Variants in ERBIN observed in about 807,000 individuals in gnomAD.
The protein encoded by ERBIN is densin-180-like protein.
A neutral mutation model predicts 158.4 loss-of-function variants in ERBIN; 60 were observed. The observed-to-expected ratio is 0.38, with a 90% CI of 0.31 to 0.47. The LOEUF (loss-of-function observed/expected upper bound fraction) is 0.47. Ranked by LOEUF, ERBIN falls within the 20% of genes least tolerant of loss-of-function variation. ERBIN has a pLI of 0.99. For synonymous variants in ERBIN, 594 were observed against 557.2 expected, an observed-to-expected ratio of 1.07 and a Z score of -0.93; for missense variants, 1,610 against 1,648.0, an observed-to-expected ratio of 0.98 and a Z score of 0.40.
intron 1 of ERBIN, among the ~76,000 whole-genome samples, chr5:65,936,751 C>A (rs1744130442): frequency 6.6e-6 from 1 of 152,146 alleles, no homozygotes; most frequent in Non-Finnish European, 1.5e-5. Context: ...TAAAAATAAT[C>A]TTGCTGTAAA....
intron 16 of ERBIN, 101 bp downstream of exon 16, chr5:66,043,299 A>C: frequency 8.3e-7 from 1 of 1,209,970 alleles, no homozygotes; most frequent in East Asian, 2.5e-5. Context: ...AAAGTATTGA[A>C]TTTATTCCTT....
Position 66,007,543 on chromosome 5 carries a change from T to C in ERBIN, c.308-4506T>C, listed in dbSNP as rs1271870889. 3.8e-5 allele frequency among the ~76,000 whole-genome samples: 4 copies of C among 105,984 alleles called. No individual in the cohort carries two copies. The East Asian group carries it at 7.5e-4, about 20-fold the overall frequency. 69.5% of individuals were successfully genotyped at this position (105,984 alleles called of 152,430 possible). ...CACATGTACCCTAAAACTTAAAGTA[T>C]AATAAAAAAAAAAAAAAGAATGAGC... On this transcript the variant is annotated intron_variant, in intron 4 of 25. Coordinates refer to ENST00000284037, the MANE Select transcript of ERBIN (RefSeq NM_001253697.2).
Position 66,054,772 on chromosome 5 carries a change from A to C in ERBIN, c.3454A>C (p.Ile1152Leu), listed in dbSNP as rs1759427615. The change falls in exon 21 of 26, where the codon ATA (isoleucine) becomes CTA (leucine). Residue 1152 changes from isoleucine (I) to leucine (L), a missense_variant. Physicochemically the swap from Ile to Leu is conservative, Grantham distance 5. Coordinates refer to ENST00000284037, the MANE Select transcript of ERBIN (RefSeq NM_001253697.2). ...PQSARPSINE[I>L]PERTMSVSDF... ...GAGTGCTCGACCCTCTATTAATGAA[A>C]TACCAGAGAGAACTATGTCAGTTAG... 1.1e-5 allele frequency: 17 copies of C among 1,614,162 alleles called. No homozygotes were observed. Among genetic ancestry groups the C allele is most frequent in the Non-Finnish European group, 1.4e-5 (17 of 1,180,006 alleles).
chr5:66,075,120 C>G lies in ERBIN; in HGVS notation c.3853C>G (p.Pro1285Ala), dbSNP rs778809727. Residue 1285 changes from proline (P) to alanine (A), a missense_variant, in exon 23 of 26, where the codon CCC (proline) becomes GCC (alanine). Pro to Ala is a conservative substitution (Grantham distance 27). Transcript: ENST00000284037. ...CCCTCAGGCATCTGTGGCAAGGCAT[C>G]CCTCTAGAGAACAACTAATTGATTA... ...HPPQASVARH[P>A]SREQLIDYLM... The G allele has an allele frequency of 6.2e-7, 1 of 1,614,142 alleles. No homozygotes were observed. The highest frequency in any genetic ancestry group is 8.5e-7 in the Non-Finnish European group (1 of 1,180,008).
intron 1 of ERBIN, among the ~76,000 whole-genome samples, chr5:65,976,285 GA>G (rs1749843717): frequency 6.6e-6 from 1 of 152,070 alleles, no homozygotes; most frequent in South Asian, 2.1e-4. Context: ...ACCATCTGGC[GA>G]ACATGGTGAA....
chr5:66,023,673 AT>A (rs145788640), intron 9 of ERBIN, among the ~76,000 whole-genome samples: 2,522 of 131,592 alleles, frequency 0.019, 43 homozygotes, highest in African/African-American at 0.062. Context: ...AACTTTCTGA[AT>A]TTTTTTTTTT....
intron 8 of ERBIN, 33 bp downstream of exon 8, chr5:66,021,418 T>C (rs140135466): frequency 1.4e-6 from 2 of 1,425,398 alleles, no homozygotes; most frequent in African/African-American, 1.4e-5. Context: ...TTCCCTAAGT[T>C]CTTATATTTA....
intron 18 of ERBIN, 58 bp downstream of exon 18, chr5:66,046,596 T>C: frequency 2.2e-6 from 3 of 1,350,432 alleles, no homozygotes; most frequent in Non-Finnish European, 3.0e-6. Context: ...AATATTTTAT[T>C]GTTGCTAAAT....
At chr5:65,988,983 CAAAAAAA>C (rs34731955) in intron 2 of ERBIN, among the ~76,000 whole-genome samples, 2 of 62,904 alleles carry the variant, frequency 3.2e-5, no homozygotes, top group Non-Finnish European at 3.0e-5. Context: ...ACCCTGTTTC[CAAAAAAA>C]AAAAAAAAAA....
At chr5:65,964,204 T>C (rs1173525494) in intron 1 of ERBIN, among the ~76,000 whole-genome samples, 3 of 152,350 alleles carry the variant, frequency 2.0e-5, no homozygotes, top group Middle Eastern at 3.4e-3. Flanking sequence ...GCCTGAAATA[T>C]AACTAATTAA....
chr5:65,997,782 A>G (rs925161710), intron 4 of ERBIN, among the ~76,000 whole-genome samples: 1 of 152,224 alleles, frequency 6.6e-6, no homozygotes, highest in Non-Finnish European at 1.5e-5. Flanking sequence ...TGTCCTAATG[A>G]TATGAGTATC....
rs75139258 is a variant in ERBIN at position 66,031,452 on chromosome 5, G to C, written c.1206+3109G>C. ...AAAGACTTAATAGGACTAAGCTTTA[G>C]GATCAAAGATGGGGAAGATAACCAA... is the stretch of plus-strand genomic sequence containing the variant. On this transcript the variant is annotated intron_variant, in intron 14 of 25. Transcript: ENST00000284037. Among the ~76,000 whole-genome samples the C allele has an allele frequency of 6.3e-3, 966 of 152,262 alleles. 16 individuals are homozygous for C. Among genetic ancestry groups the C allele is most frequent in the African/African-American group, 0.022 (926 of 41,550 alleles).
chr5:66,069,128 C>T, intron 21 of ERBIN: 1 of 1,004,666 alleles, frequency 1.0e-6, no homozygotes, highest in Non-Finnish European at 1.4e-6. Flanking sequence ...GGGTTAGAAA[C>T]CTTGATTTCC....
In ERBIN at chr5:66,054,150, CA is replaced by C; in HGVS notation, c.2834del (p.Lys945SerfsTer13). 6.2e-7 allele frequency: 1 copy of C among 1,614,110 alleles called. No homozygotes were observed. The highest frequency in any genetic ancestry group is 8.5e-7 in the Non-Finnish European group (1 of 1,180,012). On this transcript the variant is annotated frameshift_variant, in exon 21 of 26. Coordinates refer to ENST00000284037, the MANE Select transcript of ERBIN (RefSeq NM_001253697.2). LOFTEE classifies it high-confidence loss of function. ...TAATATCAGGAACAAAGGCAATTTT[CA>C]AGTTTGATTCAAATCATAATCCCGA... is the stretch of plus-strand genomic sequence containing the variant. ...DLISGTKAIF[K>X]FDSNHNPEEP...
At chr5:66,037,518 A>G (rs1757511886) in intron 14 of ERBIN, among the ~76,000 whole-genome samples, 1 of 152,170 alleles carries the variant, frequency 6.6e-6, no homozygotes, top group African/African-American at 2.4e-5. Flanking sequence ...GAAATTGTTC[A>G]GGAATTTGAA....
At chr5:66,021,697 C>T (rs1755706410) in intron 8 of ERBIN, among the ~76,000 whole-genome samples, 1 of 152,010 alleles carries the variant, frequency 6.6e-6, no homozygotes. Context: ...TGGAATGCAG[C>T]AGGTAAAAGT....
Position 66,024,455 on chromosome 5 carries a change from G to T in ERBIN, c.817+5G>T. The T allele has an allele frequency of 6.3e-7, 1 of 1,576,306 alleles. No homozygotes were observed. Among genetic ancestry groups the T allele is most frequent in the Non-Finnish European group, 8.5e-7 (1 of 1,170,250 alleles). ...AGCAGCTTCCTGAGACTATTGGTTT[G>T]TATTGCTTTCAAATTCATGTAATTT... On this transcript the variant is annotated splice_donor_5th_base_variant and intron_variant, in intron 10 of 25. Transcript: ENST00000284037.
At chr5:66,074,325 A>G (rs1761790191) in intron 22 of ERBIN, among the ~76,000 whole-genome samples, 1 of 151,920 alleles carries the variant, frequency 6.6e-6, no homozygotes, top group East Asian at 1.9e-4. Flanking sequence ...ACAACAACAA[A>G]CTAATAATTT....
In ERBIN at chr5:66,012,119, T is replaced by G. The variant is rs1373407621; in HGVS notation, c.378T>G (p.Pro126=). ...VLTIVEASVN[P]ISKLPDGFSQ... ...CAATTGTGGAGGCCAGTGTAAACCCTATTTCCAAGTAAGTTCTCAGGTGAA... is the reference window on the plus strand; with the variant it reads ...CAATTGTGGAGGCCAGTGTAAACCCGATTTCCAAGTAAGTTCTCAGGTGAA... Residue 126 remains proline (P), a synonymous_variant, in exon 5 of 26, where the codon CCT becomes CCG. Transcript: ENST00000284037. The G allele has an allele frequency of 1.3e-6, 2 of 1,583,292 alleles. No individual in the cohort carries two copies. The highest frequency in any genetic ancestry group is 2.3e-5 in the South Asian group (2 of 85,710).
Sources: gnomAD v4.1 joint callset for allele counts (sites outside exome capture counted in the v4.1 genomes callset) on GRCh38, gnomAD v4.1.1 for gene constraint, MANE v1.5 for transcripts, NCBI Gene and HGNC (gene_info 2026-07-23, HGNC 2026-07-21) for gene names.